DCC: variants seen among roughly 807,000 people sequenced by gnomAD.
DCC encodes the protein DCC netrin 1 receptor.
Under a neutral mutation model 172.5 loss-of-function variants are expected in DCC, and 58 were observed. The observed-to-expected ratio is 0.34, with a 90% CI of 0.27 to 0.42. DCC has a LOEUF of 0.42. Among genes scored for constraint, DCC ranks in the 10% least tolerant of loss-of-function variants. The pLI is 1.00. For synonymous variants in DCC, 709 were observed against 644.5 expected, an observed-to-expected ratio of 1.10 and a Z score of -1.52; for missense variants, 1,740 against 1,791.0, an observed-to-expected ratio of 0.97 and a Z score of 0.51.
At chr18:53,182,348 A>G (rs1286176897) in intron 9 of DCC, among the ~76,000 whole-genome samples, 2 of 152,200 alleles carry the variant, frequency 1.3e-5, no homozygotes, top group African/African-American at 2.4e-5. Flanking sequence ...TCTTACCAGT[A>G]TATGGAATAA....
chr18:53,088,052 G>C (rs1326521715), intron 7 of DCC, among the ~76,000 whole-genome samples: 1 of 152,136 alleles, frequency 6.6e-6, no homozygotes, highest in Non-Finnish European at 1.5e-5. Flanking sequence ...CTCCAGCTTT[G>C]TTCTTTTGGC....
At chr18:53,321,679 T>C (rs75415236) in intron 13 of DCC, among the ~76,000 whole-genome samples, 2,216 of 152,310 alleles carry the variant, frequency 0.015, 64 homozygotes, top group African/African-American at 0.051. Flanking sequence ...GATGGAGACA[T>C]AAATTTTTAG....
intron 27 of DCC, among the ~76,000 whole-genome samples, chr18:53,513,444 A>T (rs2046286220): frequency 6.6e-6 from 1 of 152,218 alleles, no homozygotes; most frequent in Non-Finnish European, 1.5e-5. Flanking sequence ...TAATGACAGG[A>T]TCAAATTCAC....
chr18:53,056,973 A>G (rs1376278822), intron 5 of DCC, among the ~76,000 whole-genome samples: 2 of 151,824 alleles, frequency 1.3e-5, no homozygotes, highest in Non-Finnish European at 1.5e-5. Flanking sequence ...CAGATAATGC[A>G]GAGAATACTA....
rs149306356 is a variant in DCC at position 52,436,236 on chromosome 18, A to G, written c.91+95358A>G. Among the ~76,000 whole-genome samples the G allele has an allele frequency of 8.5e-3, 1,297 of 152,330 alleles. 8 individuals carry two copies. The highest frequency in any genetic ancestry group is 0.011 in the Admixed American group (165 of 15,308). ...GAGCTAGGGGAAACCCCCAAGTAAT[A>G]TATGTGACTATTTTTTATAGTGGCT... On this transcript the variant is annotated intron_variant, in intron 1 of 28. Coordinates refer to ENST00000442544, the MANE Select transcript of DCC (RefSeq NM_005215.4).
intron 7 of DCC, among the ~76,000 whole-genome samples, chr18:53,107,262 G>A (rs2043262314): frequency 6.6e-6 from 1 of 151,738 alleles, no homozygotes; most frequent in Non-Finnish European, 1.5e-5. Context: ...AGAACAGAAG[G>A]AAACAGTGAG....
At chr18:53,165,774 A>G (rs1157896023) in intron 8 of DCC, among the ~76,000 whole-genome samples, 1 of 152,322 alleles carries the variant, frequency 6.6e-6, no homozygotes, top group Non-Finnish European at 1.5e-5. Flanking sequence ...TATTGAAAAT[A>G]GAAGAGAACC....
At chr18:52,354,177 C>T (rs916581775) in intron 1 of DCC, among the ~76,000 whole-genome samples, 11 of 152,156 alleles carry the variant, frequency 7.2e-5, no homozygotes, top group African/African-American at 2.4e-4. Context: ...AGGAGTTTTA[C>T]AGGAAGAAGG....
intron 2 of DCC, among the ~76,000 whole-genome samples, chr18:52,811,896 A>C (rs115158584): frequency 4.5e-3 from 683 of 152,256 alleles, no homozygotes; most frequent in African/African-American, 0.015. Context: ...CCCAAACAAA[A>C]TTTCGGTTTA....
intron 1 of DCC, among the ~76,000 whole-genome samples, chr18:52,667,991 T>C (rs2035484676): frequency 6.6e-6 from 1 of 152,082 alleles, no homozygotes; most frequent in Non-Finnish European, 1.5e-5. Context: ...GGGGCGTCTT[T>C]TTAACCCCTT....
At chr18:52,637,810 C>G (rs1412767768) in intron 1 of DCC, among the ~76,000 whole-genome samples, 1 of 152,128 alleles carries the variant, frequency 6.6e-6, no homozygotes, top group African/African-American at 2.4e-5. Context: ...ACAAGAAGCA[C>G]AAAGAACACC....
At chr18:53,239,227 GAAAAA>G (rs533743206) in intron 12 of DCC, among the ~76,000 whole-genome samples, 13 of 126,720 alleles carry the variant, frequency 1.0e-4, no homozygotes, top group African/African-American at 3.7e-4. Flanking sequence ...AAATAAAAAT[GAAAAA>G]AAAAAAACTC....
chr18:53,478,193 A>AAT (rs2045789337), intron 25 of DCC, among the ~76,000 whole-genome samples: 2 of 152,180 alleles, frequency 1.3e-5, no homozygotes, highest in Non-Finnish European at 2.9e-5. Context: ...GGTTGTCCTA[A>AAT]ATGAAGCAAG....
At chr18:53,180,663 A>G (rs539567445) in intron 9 of DCC, among the ~76,000 whole-genome samples, 3 of 152,100 alleles carry the variant, frequency 2.0e-5, no homozygotes, top group Admixed American at 6.6e-5. Context: ...TAACATTTCA[A>G]TCTTCTTTTT....
chr18:52,971,128 G>A lies in DCC; in HGVS notation c.985+45758G>A, dbSNP rs149091364. Among the ~76,000 whole-genome samples, 537 of 151,932 alleles carry A rather than the reference G, an allele frequency of 3.5e-3. 1 individual carries two copies. Among genetic ancestry groups the A allele is most frequent in the Non-Finnish European group, 5.7e-3 (388 of 67,936 alleles). ...ACAGATGACAGCTGTTCAACCCCAG[G>A]GGCAGAAAAAAAACACAGCTTTTTC... On this transcript the variant is annotated intron_variant, in intron 5 of 28. Coordinates refer to ENST00000442544, the MANE Select transcript of DCC (RefSeq NM_005215.4).
intron 12 of DCC, among the ~76,000 whole-genome samples, chr18:53,219,302 G>C (rs1194621304): frequency 6.6e-6 from 1 of 152,072 alleles, no homozygotes; most frequent in Non-Finnish European, 1.5e-5. Flanking sequence ...ATCTGTGCCT[G>C]TGTTTCTAAC....
intron 2 of DCC, among the ~76,000 whole-genome samples, chr18:52,896,739 G>C (rs1380730733): frequency 6.6e-6 from 1 of 152,096 alleles, no homozygotes; most frequent in Non-Finnish European, 1.5e-5. Flanking sequence ...GATATTGATG[G>C]GACAAGCCAG....
chr18:52,887,672 A>G (rs186169195), intron 2 of DCC, among the ~76,000 whole-genome samples: 29 of 152,284 alleles, frequency 1.9e-4, no homozygotes, highest in African/African-American at 6.5e-4. Flanking sequence ...CCAAGTCACA[A>G]TTTTAGGCAA....
intron 1 of DCC, among the ~76,000 whole-genome samples, chr18:52,584,217 G>T (rs2033619354): frequency 6.6e-6 from 1 of 152,182 alleles, no homozygotes; most frequent in East Asian, 1.9e-4. Flanking sequence ...ACCAGGAAAG[G>T]ACAAGGAAGA....
Sources: gnomAD v4.1 joint callset for allele counts (sites outside exome capture counted in the v4.1 genomes callset) on GRCh38, gnomAD v4.1.1 for gene constraint, MANE v1.5 for transcripts, NCBI Gene and HGNC (gene_info 2026-07-23, HGNC 2026-07-21) for gene names.